The following CHRNB2 variants were observed in gnomAD, a reference collection of about 807,000 sequenced individuals.
The protein encoded by CHRNB2 is cholinergic receptor nicotinic beta 2 subunit.
A neutral mutation model predicts 42.7 loss-of-function variants in CHRNB2; 33 were observed. The ratio of observed to expected loss-of-function variants is 0.77; its 90% CI spans 0.59 to 1.03. CHRNB2 has a LOEUF of 1.03. CHRNB2 is among the 50% of genes least tolerant of loss of function. CHRNB2 has a pLI of 0.00. For synonymous variants in CHRNB2, 325 were observed against 292.9 expected, an observed-to-expected ratio of 1.11 and a Z score of -1.12; for missense variants, 603 against 700.9, an observed-to-expected ratio of 0.86 and a Z score of 1.58.
At position 154,575,887 on chromosome 1, in the gene CHRNB2, C is replaced by A; in HGVS notation, c.1464C>A (p.Thr488=). Residue 488 remains threonine, a synonymous_variant, in exon 6 of 6, where the codon ACC becomes ACA. Coordinates refer to ENST00000368476, the MANE Select transcript of CHRNB2 (RefSeq NM_000748.3). ...FLQPLFQNYT[T]TTFLHSDHSA... ...AGCCTCTCTTCCAGAACTACACCACCACCACCTTCCTCCACTCAGACCACT... is the reference window on the plus strand; with the variant it reads ...AGCCTCTCTTCCAGAACTACACCACAACCACCTTCCTCCACTCAGACCACT... 1 of 1,614,190 alleles carries A rather than the reference C, an allele frequency of 6.2e-7. No individual in the cohort carries two copies. Among genetic ancestry groups the A allele is most frequent in the Non-Finnish European group, 8.5e-7 (1 of 1,180,028 alleles).
At chr1:154,570,226 A>G in intron 3 of CHRNB2, 32 bp from the exon 4 acceptor site, 1 of 1,475,118 alleles carries the variant, frequency 6.8e-7, no homozygotes, top group African/African-American at 1.4e-5. Context: ...CCAGGGCACA[A>G]GTTGGTACTG....
chr1:154,570,132 A>G (rs1696134945), intron 3 of CHRNB2, 126 bp from the exon 4 acceptor site: 5 of 745,712 alleles, frequency 6.7e-6, no homozygotes, highest in African/African-American at 1.7e-5. Context: ...CAGAGAAGTC[A>G]CTGTGGGGAA....
At position 154,571,506 on chromosome 1, in the gene CHRNB2, T is replaced by C; in HGVS notation, c.683T>C (p.Phe228Ser). 6.2e-7 allele frequency: 1 copy of C among 1,613,928 alleles called. No individual in the cohort carries two copies. The change falls in exon 5 of 6, where the codon TTC becomes TCC. Residue 228 changes from phenylalanine to serine, a missense_variant. Phe to Ser is a radical substitution (Grantham distance 155, BLOSUM62 -2). Transcript: ENST00000368476. The surrounding 1 kb of genome is among the most constrained non-coding windows in gnomAD (Gnocchi z 6.8). ...ACGTACGTGGACATCACGTATGACT[T>C]CATCATTCGCCGCAAGCCGCTCTTC... is the stretch of plus-strand genomic sequence containing the variant. ...DSTYVDITYDFIIRRKPLFYT... is the reference protein window; with the variant it reads ...DSTYVDITYDSIIRRKPLFYT...
chr1:154,571,588 C>G lies in CHRNB2; in HGVS notation c.765C>G (p.Val255=). The G allele has an allele frequency of 6.2e-7, 1 of 1,614,252 alleles. No homozygotes were observed. The highest frequency in any genetic ancestry group is 8.5e-7 in the Non-Finnish European group (1 of 1,180,048). ...CVLITSLAIL[V]FYLPSDCGEK... is the part of the protein sequence containing the mutation. ...TCATCACCTCGCTAGCCATCCTTGT[C>G]TTCTACCTGCCATCCGACTGTGGCG... The change falls in exon 5 of 6, where the codon GTC becomes GTG. Residue 255 remains valine (V), a synonymous_variant. Coordinates refer to ENST00000368476, the MANE Select transcript of CHRNB2 (RefSeq NM_000748.3). This position sits in a 1 kb window ranked among gnomAD's most constrained non-coding sequence, Gnocchi z 6.8.
Position 154,571,006 on chromosome 1 carries a change from C to G in CHRNB2, c.366-183C>G, listed in dbSNP as rs572607800. 2.4e-4 allele frequency among the ~76,000 whole-genome samples: 37 copies of G among 152,222 alleles called. No individual in the cohort carries two copies. Among genetic ancestry groups the G allele is most frequent in the African/African-American group, 6.0e-4 (25 of 41,544 alleles). ...TCTTCTGGTCACTAACCTTCCCCCC[C>G]CTCCCCATATCCCCTTCTTGCTCAA... On this transcript the variant is annotated intron_variant, in intron 4 of 5. Coordinates refer to ENST00000368476, the MANE Select transcript of CHRNB2 (RefSeq NM_000748.3). The surrounding 1 kb of genome is among the most constrained non-coding windows in gnomAD (Gnocchi z 6.8).
At position 154,571,884 on chromosome 1, in the gene CHRNB2, A is replaced by C. The variant is rs201793956; in HGVS notation, c.1061A>C (p.His354Pro). 60 of 1,596,250 alleles carry C rather than the reference A, an allele frequency of 3.8e-5. No homozygotes were observed. Among genetic ancestry groups the C allele is most frequent in the South Asian group, 1.1e-4 (10 of 89,550 alleles). Residue 354 changes from histidine (H) to proline (P), a missense_variant, in exon 5 of 6, where the codon CAT becomes CCT. His to Pro is a moderately conservative substitution (Grantham distance 77, BLOSUM62 -2). Coordinates refer to ENST00000368476, the MANE Select transcript of CHRNB2 (RefSeq NM_000748.3). This position sits in a 1 kb window ranked among gnomAD's most constrained non-coding sequence, Gnocchi z 6.8. ...CTGCTCTTCATGCAGCAGCCACGCC[A>C]TCATTGCGCCCGTCAGCGCCTGCGC... ...PALLFMQQPR[H>P]HCARQRLRLR... is the part of the protein sequence containing the mutation.
chr1:154,572,894 G>T (rs1265992750), intron 5 of CHRNB2, among the ~76,000 whole-genome samples: 2 of 152,140 alleles, frequency 1.3e-5, no homozygotes, highest in African/African-American at 2.4e-5. Flanking sequence ...ACTGAGCCAA[G>T]AGTTGGGGGG....
intron 4 of CHRNB2, 57 bp downstream of exon 4, chr1:154,570,424 T>C (rs770882244): frequency 9.5e-7 from 1 of 1,048,884 alleles, no homozygotes; most frequent in Non-Finnish European, 1.5e-6. Context: ...AGGGAAGGGG[T>C]TCTGGGGAAA....
In CHRNB2 at chr1:154,567,980, C is replaced by CGCGGCCCTCCCCCCG. The variant is rs1696090212; in HGVS notation, c.-59_-45dup. On this transcript the variant is annotated 5_prime_UTR_variant, in exon 1 of 6. Coordinates refer to ENST00000368476, the MANE Select transcript of CHRNB2 (RefSeq NM_000748.3). Reference sequence around the variant, plus strand: ...TCAGCACCACGGACAGCGCCCCACCCGCGGCCCTCCCCCCGGCGGCGCGCT... The same window carrying CGCGGCCCTCCCCCCG: ...TCAGCACCACGGACAGCGCCCCACCCGCGGCCCTCCCCCCGGCGGCCCTCCCCCCGGCGGCGCGCT... 2 of 1,418,512 alleles carry CGCGGCCCTCCCCCCG rather than the reference C, an allele frequency of 1.4e-6. No homozygotes were observed. Among genetic ancestry groups the CGCGGCCCTCCCCCCG allele is most frequent in the Admixed American group, 5.5e-5 (2 of 36,232 alleles). The allele number at this position is 1,418,512 out of a possible 1,614,324, so 87.9% of individuals were successfully genotyped here.
In CHRNB2 at chr1:154,571,798, G is replaced by A. The variant is rs764562633; in HGVS notation, c.975G>A (p.Ser325=). The change falls in exon 5 of 6, where the codon TCG becomes TCA. Residue 325 remains serine (S), a synonymous_variant. Transcript: ENST00000368476. This position sits in a 1 kb window ranked among gnomAD's most constrained non-coding sequence, Gnocchi z 6.8. ...SVCVLNVHHR[S]PTTHTMAPWV... ...GCGTGCTCAACGTGCACCACCGCTCGCCCACCACGCACACCATGGCGCCCT... is the reference window on the plus strand; with the variant it reads ...GCGTGCTCAACGTGCACCACCGCTCACCCACCACGCACACCATGGCGCCCT... 6.2e-7 allele frequency: 1 copy of A among 1,614,044 alleles called. No individual in the cohort carries two copies. Among genetic ancestry groups the A allele is most frequent in the Non-Finnish European group, 8.5e-7 (1 of 1,180,032 alleles).
At position 154,579,243 on chromosome 1, in the gene CHRNB2, G is replaced by C. The variant is rs550783477; in HGVS notation, c.*3311G>C. ...GGGACCTGGGGCTGTTTGTATCCCA[G>C]TATTAGCTCCTGTTACTAAGGGTCT... On this transcript the variant is annotated 3_prime_UTR_variant, in exon 6 of 6. Coordinates refer to ENST00000368476, the MANE Select transcript of CHRNB2 (RefSeq NM_000748.3). The C allele has an allele frequency of 6.6e-6, 1 of 152,182 alleles. No homozygotes were observed. Among genetic ancestry groups the C allele is most frequent in the South Asian group, 2.1e-4 (1 of 4,826 alleles). The allele number at this position is 152,182 out of a possible 1,614,324, so 9.4% of individuals were successfully genotyped here.
In CHRNB2 at chr1:154,575,901, A is replaced by T; in HGVS notation, c.1478A>T (p.His493Leu). 6.2e-7 allele frequency: 1 copy of T among 1,613,744 alleles called. No homozygotes were observed. Among genetic ancestry groups the T allele is most frequent in the Non-Finnish European group, 8.5e-7 (1 of 1,179,942 alleles). The change falls in exon 6 of 6, where the codon CAC becomes CTC. Residue 493 changes from histidine (H) to leucine (L), a missense_variant. By Grantham distance (99) the His-to-Leu change is moderately conservative (BLOSUM62 -3). Coordinates refer to ENST00000368476, the MANE Select transcript of CHRNB2 (RefSeq NM_000748.3). ...FQNYTTTTFLHSDHSAPSSK is the reference protein window; with the variant it reads ...FQNYTTTTFLLSDHSAPSSK ...AACTACACCACCACCACCTTCCTCCACTCAGACCACTCAGCCCCCAGCTCC... is the reference window on the plus strand; with the variant it reads ...AACTACACCACCACCACCTTCCTCCTCTCAGACCACTCAGCCCCCAGCTCC...
At chr1:154,568,565 CA>C in intron 1 of CHRNB2, among the ~76,000 whole-genome samples, 1 of 152,250 alleles carries the variant, frequency 6.6e-6, no homozygotes, top group Non-Finnish European at 1.5e-5. Context: ...CGTCACCCCT[CA>C]GGGGCAGAGA....
In CHRNB2 at chr1:154,572,236, C is replaced by T. The variant is rs1341501471; in HGVS notation, c.1338+75C>T. On this transcript the variant is annotated intron_variant, in intron 5 of 5. Coordinates refer to ENST00000368476, the MANE Select transcript of CHRNB2 (RefSeq NM_000748.3). ...GGCCCGGGTATCTGGAAAGCAGCGG[C>T]GTTCTATAGACATGCAGAGGTAGTA... 3.9e-6 allele frequency: 6 copies of T among 1,530,234 alleles called. No individual in the cohort carries two copies. In the African/African-American group the frequency reaches 5.5e-5, roughly 14 times the overall value. 94.8% of individuals were successfully genotyped at this position (1,530,234 alleles called of 1,614,324 possible).
intron 5 of CHRNB2, among the ~76,000 whole-genome samples, chr1:154,575,404 A>G (rs1404173074): frequency 2.6e-5 from 4 of 152,194 alleles, no homozygotes; most frequent in Non-Finnish European, 5.9e-5. Context: ...GTAGGAGTGC[A>G]CCAGGTAGAG....
intron 5 of CHRNB2, among the ~76,000 whole-genome samples, chr1:154,573,081 C>T (rs117961700): frequency 6.6e-6 from 1 of 152,292 alleles, no homozygotes; most frequent in East Asian, 1.9e-4. Context: ...AAGAAGGGCA[C>T]TGCGGTGTGG....
rs71651695 is a variant in CHRNB2, at chr1:154,571,135, G to T, written c.366-54G>T. ...CCTCCCATTAGGGGCTGGGTTGATGGGTAAGGAGGAAGGAACGCTTAGGCC... is the reference window on the plus strand; with the variant it reads ...CCTCCCATTAGGGGCTGGGTTGATGTGTAAGGAGGAAGGAACGCTTAGGCC... On this transcript the variant is annotated intron_variant, in intron 4 of 5. Coordinates refer to ENST00000368476, the MANE Select transcript of CHRNB2 (RefSeq NM_000748.3). The surrounding 1 kb of genome is among the most constrained non-coding windows in gnomAD (Gnocchi z 6.8). 7,078 of 1,613,216 alleles carry T rather than the reference G, an allele frequency of 4.4e-3. 34 individuals are homozygous for T. The highest frequency in any genetic ancestry group is 9.0e-3 in the South Asian group (821 of 90,782).
At chr1:154,569,955 C>A in intron 3 of CHRNB2, 119 bp downstream of exon 3, 2 of 1,169,444 alleles carry the variant, frequency 1.7e-6, no homozygotes, top group Non-Finnish European at 2.5e-6. Flanking sequence ...AGTTTGGAGT[C>A]CTAAACAATT....
rs750193870 is a variant in CHRNB2, at chr1:154,570,387, T to TG, written c.365+25dup. ...CAACAAGTAGGTGCAATGGGAAGGT[T>TG]GGGGGAGACCATTGGAGGGCTCAGG... On this transcript the variant is annotated intron_variant, in intron 4 of 5. Transcript: ENST00000368476. 2.7e-6 allele frequency: 4 copies of TG among 1,468,832 alleles called. No homozygotes were observed. In the African/African-American group the frequency reaches 5.5e-5, roughly 20 times the overall value. 91.0% of individuals were successfully genotyped at this position (1,468,832 alleles called of 1,614,324 possible).
Sources: allele counts gnomAD v4.1 joint callset (sites outside exome capture counted in the v4.1 genomes callset), GRCh38; gene constraint gnomAD v4.1.1; non-coding constraint Gnocchi (gnomAD v3.1); transcripts MANE v1.5; gene names NCBI Gene and HGNC (gene_info 2026-07-23, HGNC 2026-07-21).